The following CLDN2 variants were observed in gnomAD, a reference collection of about 807,000 sequenced individuals.
The protein encoded by CLDN2 is claudin-2.
Under a neutral mutation model 8.2 loss-of-function variants are expected in CLDN2, and 1 was observed. The observed-to-expected ratio is 0.12, with a 90% CI of 0.04 to 0.58. The LOEUF (loss-of-function observed/expected upper bound fraction) is 0.58. Ranked by LOEUF, CLDN2 falls within the 20% of genes least tolerant of loss-of-function variation. The pLI is 0.90. For missense variants in CLDN2, 108 were observed against 172.9 expected (o/e 0.62, Z 2.11); for synonymous variants, 70 against 70.2 (o/e 1.00, Z 0.01).
At chrX:106,922,890 G>A (rs1247272436) in intron 1 of CLDN2, among the ~76,000 whole-genome samples, 2 of 111,300 alleles carry the variant, frequency 1.8e-5, no homozygotes, top group Non-Finnish European at 3.8e-5. Flanking sequence ...AAGAAAAGCC[G>A]GGGTGAAATA....
intron 1 of CLDN2, among the ~76,000 whole-genome samples, chrX:106,908,071 C>T (rs1194959512): frequency 2.7e-5 from 3 of 111,529 alleles, no homozygotes; most frequent in Non-Finnish European, 5.6e-5. Context: ...CTCAAAACTT[C>T]GGCTGCTGAT....
chrX:106,901,926 C>T (rs999468165), intron 1 of CLDN2, among the ~76,000 whole-genome samples: 10 of 112,099 alleles, frequency 8.9e-5, no homozygotes, highest in Non-Finnish European at 1.5e-4. Context: ...GCCCAGATCC[C>T]TTGCCCACTC....
chrX:106,900,652 G>C, intron 1 of CLDN2: 1 of 1,076,409 alleles, frequency 9.3e-7, no homozygotes, highest in South Asian at 2.7e-5. Context: ...CCTCCATTTG[G>C]ATAGGTTAGG....
chrX:106,919,914 C>G (rs766327887), upstream of CLDN2, among the ~76,000 whole-genome samples: 9 of 112,702 alleles, frequency 8.0e-5, no homozygotes, highest in Non-Finnish European at 1.1e-4. Flanking sequence ...AACTCAGAGT[C>G]TGAACCTACA....
chrX:106,916,486 G>A (rs141976320), upstream of CLDN2, among the ~76,000 whole-genome samples: 159 of 111,315 alleles, frequency 1.4e-3, 3 homozygotes, highest in East Asian at 0.041. Flanking sequence ...AGAATGGACT[G>A]TAGAAAGCCA....
At chrX:106,901,778 T>G (rs909058432) in intron 1 of CLDN2, among the ~76,000 whole-genome samples, 3 of 111,079 alleles carry the variant, frequency 2.7e-5, no homozygotes, top group African/African-American at 9.8e-5. Flanking sequence ...AGCACCTGTT[T>G]GGAGGCTCTC....
At position 106,928,540 on chromosome X, in the gene CLDN2, C is replaced by T. The variant is rs916721142; in HGVS notation, c.312C>T (p.Cys104=). 1.7e-6 allele frequency: 2 copies of T among 1,209,654 alleles called. No individual in the cohort carries two copies. Among genetic ancestry groups the T allele is most frequent in the African/African-American group, 3.5e-5 (2 of 57,071 alleles). ...ACIISVVGMR[C]TVFCQESRAK... ...TTATCTCTGTGGTGGGCATGAGATG[C>T]ACAGTCTTCTGCCAGGAATCCCGAG... The change falls in exon 2 of 2, where the codon TGC becomes TGT. Residue 104 remains cysteine, a synonymous_variant. Coordinates refer to ENST00000336803, the MANE Select transcript of CLDN2 (RefSeq NM_020384.4).
At chrX:106,902,134 A>G in intron 1 of CLDN2, 2 of 1,191,673 alleles carry the variant, frequency 1.7e-6, no homozygotes, top group South Asian at 1.9e-5. Context: ...AAGGGCTCGA[A>G]CTCACCAAAT....
At chrX:106,924,630 A>C (rs1933439907) in intron 1 of CLDN2, among the ~76,000 whole-genome samples, 1 of 110,617 alleles carries the variant, frequency 9.0e-6, no homozygotes, top group Admixed American at 9.7e-5. Flanking sequence ...ATGCTGTGGA[A>C]GCATGATAGA....
At chrX:106,914,450 C>G (rs1040847196), upstream of CLDN2, among the ~76,000 whole-genome samples, 1 of 111,486 alleles carries the variant, frequency 9.0e-6, no homozygotes, top group Admixed American at 9.6e-5. Flanking sequence ...TACCCCCCTT[C>G]TCTACCTCCC....
intron 1 of CLDN2, among the ~76,000 whole-genome samples, chrX:106,927,075 C>T (rs1458022375): frequency 9.0e-6 from 1 of 111,372 alleles, no homozygotes; most frequent in Admixed American, 9.5e-5. Context: ...AAAGTGAGAA[C>T]CTGTCTCAAA....
intron 1 of CLDN2, among the ~76,000 whole-genome samples, chrX:106,907,960 G>C (rs977676182): frequency 9.0e-6 from 1 of 111,170 alleles, no homozygotes; most frequent in Non-Finnish European, 1.9e-5. Context: ...TTTTCCAATG[G>C]GTATCTCAAA....
In CLDN2 at chrX:106,929,271, A is replaced by G. The variant is rs779363433; in HGVS notation, c.*350A>G. The G allele has an allele frequency of 1.1e-4, 26 of 242,928 alleles. No individual in the cohort carries two copies. Among genetic ancestry groups the G allele is most frequent in the Non-Finnish European group, 1.8e-4 (23 of 130,453 alleles). 20.0% of individuals were successfully genotyped at this position (242,928 alleles called of 1,213,427 possible). On this transcript the variant is annotated 3_prime_UTR_variant, in exon 2 of 2. Coordinates refer to ENST00000336803, the MANE Select transcript of CLDN2 (RefSeq NM_020384.4). ...CTGGGACTCCATCCCCAAACCCACT[A>G]ATCACATCCCACTGACTGACCCTCT...
intron 1 of CLDN2, among the ~76,000 whole-genome samples, chrX:106,907,729 T>G (rs1482570231): frequency 1.9e-5 from 2 of 106,921 alleles, no homozygotes; most frequent in Non-Finnish European, 3.8e-5. Context: ...ATAATAATAA[T>G]AATAATAATA....
chrX:106,925,017 A>C (rs764949638), intron 1 of CLDN2, among the ~76,000 whole-genome samples: 5 of 111,208 alleles, frequency 4.5e-5, no homozygotes, highest in Non-Finnish European at 7.5e-5. Flanking sequence ...AGATACAGAG[A>C]TACATAAGAT....
chrX:106,906,527 C>G (rs1933181015), intron 1 of CLDN2, among the ~76,000 whole-genome samples: 1 of 111,242 alleles, frequency 9.0e-6, no homozygotes, highest in Non-Finnish European at 1.9e-5. Context: ...TGCCCCTCCC[C>G]TCTCTCTGTA....
chrX:106,928,372 G>A lies in CLDN2; in HGVS notation c.144G>A (p.Lys48=). 1 of 1,212,048 alleles carries A rather than the reference G, an allele frequency of 8.3e-7. No homozygotes were observed. Among genetic ancestry groups the A allele is most frequent in the Non-Finnish European group, 1.1e-6 (1 of 895,540 alleles). ...TTGTGACAGCAGTTGGCTTCTCCAA[G>A]GGCCTCTGGATGGAATGTGCCACAC... The part of the protein sequence containing the change: ...ASIVTAVGFS[K]GLWMECATHS... The change falls in exon 2 of 2, where the codon AAG becomes AAA. Residue 48 remains lysine (K), a synonymous_variant. Transcript: ENST00000336803.
intron 1 of CLDN2, among the ~76,000 whole-genome samples, chrX:106,905,760 T>C (rs1312528942): frequency 9.0e-6 from 1 of 111,030 alleles, no homozygotes; most frequent in Non-Finnish European, 1.9e-5. Flanking sequence ...GACTCAACCA[T>C]GCCACCCATC....
At chrX:106,916,534 C>T (rs1427099196), upstream of CLDN2, among the ~76,000 whole-genome samples, 3 of 110,797 alleles carry the variant, frequency 2.7e-5, no homozygotes, top group African/African-American at 6.6e-5. Context: ...TATTGCATCC[C>T]GGTGAGAGAT....
Sources: allele counts gnomAD v4.1 joint callset (sites outside exome capture counted in the v4.1 genomes callset), GRCh38; gene constraint gnomAD v4.1.1; transcripts MANE v1.5; gene names NCBI Gene and HGNC (gene_info 2026-07-23, HGNC 2026-07-21).